GRIA1: variants seen among roughly 807,000 people sequenced by gnomAD.
GRIA1 encodes the protein glutamate receptor 1.
Under a neutral mutation model 99.2 loss-of-function variants are expected in GRIA1, and 31 were observed. The observed-to-expected ratio is 0.31, with a 90% CI of 0.23 to 0.42. The LOEUF (loss-of-function observed/expected upper bound fraction) is 0.42. Ranked by LOEUF, GRIA1 falls within the 10% of genes least tolerant of loss-of-function variation. The pLI is 1.00. For synonymous variants in GRIA1, 438 were observed against 432.4 expected (o/e 1.01, Z -0.16); for missense variants, 782 against 1,157.5 (o/e 0.68, Z 4.71).
At chr5:153,705,541 T>G (rs528738076) in intron 10 of GRIA1, among the ~76,000 whole-genome samples, 156 bp from the exon 11 acceptor site, 1 of 152,138 alleles carries the variant, frequency 6.6e-6, no homozygotes, top group East Asian at 1.9e-4. Flanking sequence ...AAATATTTTA[T>G]AGAGTAGGAG....
rs775071521 is a variant in GRIA1 at position 153,570,978 on chromosome 5, T to C, written c.221-75950T>C. On this transcript the variant is annotated intron_variant, in intron 2 of 15. Coordinates refer to ENST00000285900, the MANE Select transcript of GRIA1 (RefSeq NM_000827.4). ...ATATCAAAAGTCCATTTGTATCTGA[T>C]TGAGATGAGGAAAGAAATGCAGGAT... 2.0e-5 allele frequency among the ~76,000 whole-genome samples: 3 copies of C among 152,264 alleles called. No homozygotes were observed. In the East Asian group the frequency reaches 5.8e-4, roughly 29 times the overall value.
intron 2 of GRIA1, among the ~76,000 whole-genome samples, chr5:153,558,361 A>G (rs1251294093): frequency 2.6e-5 from 4 of 152,272 alleles, no homozygotes; most frequent in East Asian, 3.9e-4. Flanking sequence ...AATTATCCCA[A>G]AAAGGTTTTT....
At chr5:153,537,321 A>C (rs939783838) in intron 2 of GRIA1, among the ~76,000 whole-genome samples, 6 of 152,134 alleles carry the variant, frequency 3.9e-5, no homozygotes, top group African/African-American at 1.4e-4. Flanking sequence ...CCTGCACATC[A>C]AGGCCCAGTG....
In GRIA1 at chr5:153,750,336, C is replaced by A. The variant is rs535196029; in HGVS notation, c.1824-14098C>A. ...TGTGCCTTTATGCCCGTTTTCATTCCTTTTTATAAATAGCCATTTGAAGAA... is the reference window on the plus strand; with the variant it reads ...TGTGCCTTTATGCCCGTTTTCATTCATTTTTATAAATAGCCATTTGAAGAA... On this transcript the variant is annotated intron_variant, in intron 11 of 15. Coordinates refer to ENST00000285900, the MANE Select transcript of GRIA1 (RefSeq NM_000827.4). Among the ~76,000 whole-genome samples, 4 of 152,216 alleles carry A rather than the reference C, an allele frequency of 2.6e-5. No individual in the cohort carries two copies. In the South Asian group the frequency reaches 8.3e-4, roughly 32 times the overall value.
At chr5:153,621,670 T>C (rs1767065217) in intron 2 of GRIA1, among the ~76,000 whole-genome samples, 2 of 152,148 alleles carry the variant, frequency 1.3e-5, no homozygotes, top group Non-Finnish European at 2.9e-5. Context: ...AGTTCCAGCC[T>C]GCCTCTCCCA....
At chr5:153,671,044 T>A (rs1383559297) in intron 5 of GRIA1, among the ~76,000 whole-genome samples, 5 of 152,220 alleles carry the variant, frequency 3.3e-5, no homozygotes, top group African/African-American at 1.2e-4. Context: ...CTTAACATCA[T>A]AGCTATGAGC....
In GRIA1 at chr5:153,493,998, G is replaced by A; in HGVS notation, c.153G>A (p.Glu51=). ...GATTTGCTTTGTCGCAACTCACAGA[G>A]CCCCCGAAGCTGCTCCCCCAGATTG... The part of the protein sequence containing the change: ...AFRFALSQLT[E]PPKLLPQIDI... Residue 51 remains glutamate (E), a synonymous_variant, in exon 2 of 16, where the codon GAG becomes GAA. Transcript: ENST00000285900. 6.2e-7 allele frequency: 1 copy of A among 1,614,024 alleles called. No individual in the cohort carries two copies.
intron 2 of GRIA1, among the ~76,000 whole-genome samples, chr5:153,545,465 T>C (rs547132937): frequency 6.6e-6 from 1 of 152,132 alleles, no homozygotes; most frequent in Non-Finnish European, 1.5e-5. Context: ...CAGGAATAGT[T>C]GTATCCACTG....
intron 2 of GRIA1, among the ~76,000 whole-genome samples, chr5:153,512,081 G>A (rs752774246): frequency 2.6e-5 from 4 of 152,136 alleles, no homozygotes; most frequent in East Asian, 1.9e-4. Flanking sequence ...TCAAAAATAC[G>A]AAAGAGGCAG....
intron 13 of GRIA1, among the ~76,000 whole-genome samples, chr5:153,790,813 C>T (rs1031804513): frequency 6.6e-6 from 1 of 152,134 alleles, no homozygotes; most frequent in South Asian, 2.1e-4. Context: ...TTTTCTCATC[C>T]GTGAAAACTA....
chr5:153,622,456 G>GA (rs1328459944), intron 2 of GRIA1, among the ~76,000 whole-genome samples: 1 of 152,202 alleles, frequency 6.6e-6, no homozygotes, highest in African/African-American at 2.4e-5. Context: ...TTAAAGTCCT[G>GA]ATGTTAGGTT....
At chr5:153,497,638 A>C (rs1450776560) in intron 2 of GRIA1, among the ~76,000 whole-genome samples, 1 of 152,192 alleles carries the variant, frequency 6.6e-6, no homozygotes, top group African/African-American at 2.4e-5. Flanking sequence ...TTACTTCTTG[A>C]ATCAAGATAT....
At chr5:153,687,147 A>C (rs1757400401) in intron 8 of GRIA1, among the ~76,000 whole-genome samples, 1 of 152,132 alleles carries the variant, frequency 6.6e-6, no homozygotes, top group Non-Finnish European at 1.5e-5. Context: ...GCTTCATGGA[A>C]GCCTCTACTT....
chr5:153,541,166 C>G (rs181571861), intron 2 of GRIA1, among the ~76,000 whole-genome samples: 51 of 152,326 alleles, frequency 3.3e-4, no homozygotes, highest in Admixed American at 3.1e-3. Flanking sequence ...AATTCTTCCT[C>G]CATTCTTTCG....
chr5:153,772,816 G>A (rs975920254), intron 13 of GRIA1, among the ~76,000 whole-genome samples: 1 of 152,156 alleles, frequency 6.6e-6, no homozygotes, highest in Non-Finnish European at 1.5e-5. Context: ...ATAGTTCCAG[G>A]AACATCAGTG....
chr5:153,533,262 G>A (rs1457437437), intron 2 of GRIA1, among the ~76,000 whole-genome samples: 1 of 152,056 alleles, frequency 6.6e-6, no homozygotes, highest in East Asian at 1.9e-4. Context: ...TTCTTCCAAA[G>A]GCATTTCAAT....
At chr5:153,500,610 TACACACACAC>T (rs35636352) in intron 2 of GRIA1, among the ~76,000 whole-genome samples, 3,008 of 120,084 alleles carry the variant, frequency 0.025, 76 homozygotes, top group African/African-American at 0.066. Context: ...CCCTCTTACA[TACACACACAC>T]ACACACACAC....
In GRIA1 at chr5:153,698,151, C is replaced by T. The variant is rs1232981542; in HGVS notation, c.1242C>T (p.Ile414=). 1 of 1,527,922 alleles carries T rather than the reference C, an allele frequency of 6.5e-7. No individual in the cohort carries two copies. Among genetic ancestry groups the T allele is most frequent in the Non-Finnish European group, 9.1e-7 (1 of 1,101,706 alleles). 94.6% of individuals were successfully genotyped at this position (1,527,922 alleles called of 1,614,324 possible). Residue 414 remains isoleucine (I), a synonymous_variant, in exon 9 of 16, where the codon ATC becomes ATT. Transcript: ENST00000285900. ...VQNRTYIVTT[I]LEDPYVMLKK... ...ACAGAACATACATCGTCACAACAATCCTAGTGAGTACTCAGTCCTTCATCA... is the reference window on the plus strand; with the variant it reads ...ACAGAACATACATCGTCACAACAATTCTAGTGAGTACTCAGTCCTTCATCA...
At chr5:153,512,124 G>A (rs577543947) in intron 2 of GRIA1, among the ~76,000 whole-genome samples, 1 of 152,324 alleles carries the variant, frequency 6.6e-6, no homozygotes, top group South Asian at 2.1e-4. Context: ...GAGATGCTGA[G>A]ATTCAGTGTG....
Sources: allele counts gnomAD v4.1 joint callset (sites outside exome capture counted in the v4.1 genomes callset), GRCh38; gene constraint gnomAD v4.1.1; transcripts MANE v1.5; gene names NCBI Gene and HGNC (gene_info 2026-07-23, HGNC 2026-07-21).